KIAA1217: variants seen among roughly 807,000 people sequenced by gnomAD.
KIAA1217 encodes the protein sickle tail protein homolog.
KIAA1217 carries 88 observed loss-of-function variants against 163.9 expected under a neutral mutation model. The observed-to-expected ratio is 0.54, with a 90% CI of 0.45 to 0.64. The LOEUF is 0.64. Ranked by LOEUF, KIAA1217 falls within the 30% of genes least tolerant of loss-of-function variation. KIAA1217 has a pLI of 0.00. For synonymous variants in KIAA1217, 903 were observed against 923.1 expected (o/e 0.98, Z 0.39); for missense variants, 2,372 against 2,475.0 (o/e 0.96, Z 0.88).
At chr10:23,881,307 G>C (rs2131189605) in intron 1 of KIAA1217, among the ~76,000 whole-genome samples, 1 of 152,018 alleles carries the variant, frequency 6.6e-6, no homozygotes, top group African/African-American at 2.4e-5. Flanking sequence ...ATTATGAAAT[G>C]AATATATTAA....
intron 1 of KIAA1217, among the ~76,000 whole-genome samples, chr10:23,778,800 G>T (rs1215271122): frequency 6.6e-6 from 1 of 152,134 alleles, no homozygotes; most frequent in Non-Finnish European, 1.5e-5. Context: ...GCAATAAAGG[G>T]ATTGGTTTCC....
intron 1 of KIAA1217, among the ~76,000 whole-genome samples, chr10:23,971,548 G>A (rs1418813620): frequency 3.9e-5 from 6 of 152,114 alleles, no homozygotes; most frequent in Admixed American, 3.3e-4. Context: ...ATTCAGTCAT[G>A]GCTGACCAGT....
intron 2 of KIAA1217, among the ~76,000 whole-genome samples, chr10:24,056,303 G>C (rs1282512028): frequency 1.3e-5 from 2 of 152,064 alleles, no homozygotes; most frequent in African/African-American, 4.8e-5. Flanking sequence ...ACTTCAGCCT[G>C]GGTGACAGAG....
At chr10:23,815,076 T>C (rs1482764932) in intron 1 of KIAA1217, among the ~76,000 whole-genome samples, 1 of 152,182 alleles carries the variant, frequency 6.6e-6, no homozygotes, top group Non-Finnish European at 1.5e-5. Flanking sequence ...GATCATGGAT[T>C]TGCAAGTGCC....
chr10:23,901,826 G>A (rs1227586760), intron 1 of KIAA1217, among the ~76,000 whole-genome samples: 2 of 149,388 alleles, frequency 1.3e-5, no homozygotes, highest in Non-Finnish European at 3.0e-5. Context: ...CAGGAGAATC[G>A]TTTGAACCTG....
chr10:24,361,613 C>A (rs2050008642), intron 2 of KIAA1217, among the ~76,000 whole-genome samples: 1 of 152,126 alleles, frequency 6.6e-6, no homozygotes, highest in Non-Finnish European at 1.5e-5. Context: ...TGTGTGTGGG[C>A]AAATACCATA....
intron 2 of KIAA1217, among the ~76,000 whole-genome samples, chr10:24,185,117 C>G (rs1367527153): frequency 6.6e-6 from 1 of 152,156 alleles, no homozygotes; most frequent in East Asian, 1.9e-4. Flanking sequence ...CCACCAATCT[C>G]TCATCTAGAA....
intron 1 of KIAA1217, among the ~76,000 whole-genome samples, chr10:23,710,732 T>A (rs995323284): frequency 1.3e-5 from 2 of 152,150 alleles, no homozygotes; most frequent in African/African-American, 4.8e-5. Context: ...TTTTGAAAAA[T>A]TTGTTTTATC....
chr10:24,272,068 C>T (rs2076824838), intron 2 of KIAA1217, among the ~76,000 whole-genome samples: 1 of 152,188 alleles, frequency 6.6e-6, no homozygotes, highest in African/African-American at 2.4e-5. Flanking sequence ...AACCTGACAT[C>T]TCTCTACTTG....
At chr10:24,335,705 G>T (rs2046278969) in intron 2 of KIAA1217, among the ~76,000 whole-genome samples, 1 of 151,716 alleles carries the variant, frequency 6.6e-6, no homozygotes, top group Non-Finnish European at 1.5e-5. Context: ...TGACTCCTGG[G>T]CTCAAGCAAT....
intron 1 of KIAA1217, among the ~76,000 whole-genome samples, chr10:23,890,872 T>G (rs1841388651): frequency 6.6e-6 from 1 of 152,008 alleles, no homozygotes; most frequent in Non-Finnish European, 1.5e-5. Context: ...TGATATCTGT[T>G]TTTTATTTAA....
At chr10:24,059,571 TTTTG>T (rs977298462) in intron 2 of KIAA1217, among the ~76,000 whole-genome samples, 2 of 151,982 alleles carry the variant, frequency 1.3e-5, no homozygotes, top group African/African-American at 2.4e-5. Flanking sequence ...TATGCCAGTT[TTTTG>T]TTTGTTTGTT....
rs60684973 is a variant in KIAA1217 at position 23,739,098 on chromosome 10, G to C, written c.-321+43864G>C. Among the ~76,000 whole-genome samples, 990 of 152,294 alleles carry C rather than the reference G, an allele frequency of 6.5e-3. 17 individuals carry two copies. The highest frequency in any genetic ancestry group is 0.023 in the African/African-American group (948 of 41,550). On this transcript the variant is annotated intron_variant, in intron 1 of 18. Transcript: ENST00000376462. ...AAGGAATTAAGTCATGTCTTTTGCA[G>C]CAACATGGATGGAACTGGAGGTCAC... is the stretch of plus-strand genomic sequence containing the variant.
At chr10:23,805,785 G>A (rs563785177) in intron 1 of KIAA1217, among the ~76,000 whole-genome samples, 112 of 151,972 alleles carry the variant, frequency 7.4e-4, no homozygotes, top group Non-Finnish European at 1.2e-3. Context: ...AGGCCGAGGC[G>A]GGTGGGTCCC....
chr10:24,462,832 C>T lies in KIAA1217; in HGVS notation c.847-10396C>T, dbSNP rs528364773. 2.2e-4 allele frequency among the ~76,000 whole-genome samples: 33 copies of T among 152,244 alleles called. 1 individual carries two copies. In the South Asian group the frequency reaches 6.6e-3, roughly 31 times the overall value. On this transcript the variant is annotated intron_variant, in intron 5 of 20. Transcript: ENST00000376454. ...ATGGCAACATGTGGTTGACAAGTTA[C>T]ATAGTAGTTTCAAGAACTGTCATAA...
At chr10:24,254,880 G>A (rs2074974997) in intron 2 of KIAA1217, among the ~76,000 whole-genome samples, 1 of 150,460 alleles carries the variant, frequency 6.6e-6, no homozygotes, top group African/African-American at 2.4e-5. Flanking sequence ...TTGAGACGGA[G>A]TCTTACTCTG....
At chr10:23,709,050 G>C (rs1837065784) in intron 1 of KIAA1217, among the ~76,000 whole-genome samples, 1 of 152,154 alleles carries the variant, frequency 6.6e-6, no homozygotes, top group Non-Finnish European at 1.5e-5. Flanking sequence ...TCTAGAAGCA[G>C]ATGTGTTGGC....
At chr10:24,029,543 G>C (rs1023824326) in intron 2 of KIAA1217, among the ~76,000 whole-genome samples, 3 of 152,070 alleles carry the variant, frequency 2.0e-5, no homozygotes, top group African/African-American at 7.2e-5. Flanking sequence ...ATATAATTCT[G>C]GGCAAATTTT....
intron 2 of KIAA1217, among the ~76,000 whole-genome samples, chr10:24,153,841 C>T (rs1026683709): frequency 9.9e-5 from 15 of 152,166 alleles, no homozygotes; most frequent in African/African-American, 3.1e-4. Context: ...AGATAATTCC[C>T]CCGGGCTTAT....
Sources: gnomAD v4.1 joint callset for allele counts (sites outside exome capture counted in the v4.1 genomes callset) on GRCh38, gnomAD v4.1.1 for gene constraint, MANE v1.5 for transcripts, NCBI Gene and HGNC (gene_info 2026-07-23, HGNC 2026-07-21) for gene names.